Variants in SAG observed in about 807,000 individuals in gnomAD.
The protein encoded by SAG is S-antigen visual arrestin.
In SAG, 45 loss-of-function variants were observed where a neutral mutation model predicts 55.0. The ratio of observed to expected loss-of-function variants is 0.82; its 90% CI spans 0.64 to 1.05. The LOEUF (loss-of-function observed/expected upper bound fraction) is 1.05, where lower values mean the gene tolerates loss of function less well. Among genes scored for constraint, SAG ranks in the 50% least tolerant of loss-of-function variants. The pLI is 0.00. For missense variants in SAG, 455 were observed against 512.1 expected, an observed-to-expected ratio of 0.89 and a Z score of 1.08; for synonymous variants, 189 against 197.4, an observed-to-expected ratio of 0.96 and a Z score of 0.36.
chr2:233,335,655 A>G (rs1700902829), intron 11 of SAG, among the ~76,000 whole-genome samples: 1 of 152,384 alleles, frequency 6.6e-6, no homozygotes, highest in African/African-American at 2.4e-5. Flanking sequence ...TTAGATGTCC[A>G]TTAAATTTAA....
rs1700593903 is a variant in SAG at position 233,327,350 on chromosome 2, CA to C, written c.512+154del. On this transcript the variant is annotated intron_variant, in intron 7 of 15. Transcript: ENST00000409110. ...TGTGGGATGGAGGTCAAAGGTTGATCATTTTTGGGGAAAAAAAAGAAAACAA... is the reference window on the plus strand; with the variant it reads ...TGTGGGATGGAGGTCAAAGGTTGATCTTTTTGGGGAAAAAAAAGAAAACAA... 5 of 544,938 alleles carry C rather than the reference CA, an allele frequency of 9.2e-6. No homozygotes were observed. The East Asian group carries it at 1.2e-4, about 13-fold the overall frequency. The allele number at this position is 544,938 out of a possible 1,614,324, so 33.8% of individuals were successfully genotyped here.
intron 14 of SAG, 95 bp downstream of exon 14, chr2:233,342,421 C>T: frequency 9.9e-7 from 1 of 1,007,952 alleles, no homozygotes; most frequent in Non-Finnish European, 1.5e-6. Context: ...CATCTCAGAG[C>T]ATGGGAGTGG....
Position 233,319,532 on chromosome 2 carries a change from T to C in SAG, c.181+737T>C. 1.0e-6 allele frequency: 1 copy of C among 970,494 alleles called. No individual in the cohort carries two copies. Among genetic ancestry groups the C allele is most frequent in the Non-Finnish European group, 1.2e-6 (1 of 813,776 alleles). The allele number at this position is 970,494 out of a possible 1,614,324, so 60.1% of individuals were successfully genotyped here. A position where few individuals can be genotyped will look rare whatever the true frequency, so the allele number is the denominator to read the frequency against. On this transcript the variant is annotated intron_variant, in intron 4 of 15. Coordinates refer to ENST00000409110, the MANE Select transcript of SAG (RefSeq NM_000541.5). The surrounding 1 kb of genome is among the most constrained non-coding windows in gnomAD (Gnocchi z 4.4). ...TGTTGCTACTGGCAACATCAAGGAA[T>C]TGTTCAGAACCCTGGATGTGCCACT...
intron 14 of SAG, chr2:233,343,555 C>A: frequency 1.9e-6 from 1 of 531,988 alleles, no homozygotes; most frequent in Non-Finnish European, 2.9e-6. Flanking sequence ...ATATAAAAAC[C>A]ACTAGACTGT....
At chr2:233,310,506 C>CTTTTTTTTT (rs967605903) in intron 2 of SAG, among the ~76,000 whole-genome samples, 2 of 115,434 alleles carry the variant, frequency 1.7e-5, no homozygotes, top group African/African-American at 3.8e-5. Flanking sequence ...ATCATTCTGG[C>CTTTTTTTTT]TTTTTTTTTT....
At chr2:233,314,454 A>G (rs1386336715) in intron 2 of SAG, among the ~76,000 whole-genome samples, 1 of 152,162 alleles carries the variant, frequency 6.6e-6, no homozygotes, top group Admixed American at 6.5e-5. Flanking sequence ...CACCTTGCCC[A>G]GAAGCCAGAA....
At chr2:233,309,987 C>G (rs1201508780) in intron 2 of SAG, among the ~76,000 whole-genome samples, 1 of 152,232 alleles carries the variant, frequency 6.6e-6, no homozygotes, top group Non-Finnish European at 1.5e-5. Context: ...AATGTGACTC[C>G]TTCTTCTCCG....
At chr2:233,310,929 T>C (rs1049546050) in intron 2 of SAG, among the ~76,000 whole-genome samples, 1 of 152,162 alleles carries the variant, frequency 6.6e-6, no homozygotes, top group Non-Finnish European at 1.5e-5. Context: ...GTTAAGGAAC[T>C]CGGTCATTTT....
chr2:233,338,420 C>G (rs1701004172), intron 11 of SAG: 9 of 507,598 alleles, frequency 1.8e-5, no homozygotes, highest in Non-Finnish European at 2.5e-5. Context: ...AGGTCAAGCA[C>G]AGAGAAGGGG....
In SAG at chr2:233,340,556, C is replaced by G; in HGVS notation, c.1046+78C>G. On this transcript the variant is annotated intron_variant, in intron 13 of 15. Coordinates refer to ENST00000409110, the MANE Select transcript of SAG (RefSeq NM_000541.5). The surrounding 1 kb of genome is among the most constrained non-coding windows in gnomAD (Gnocchi z 4.2). ...CAAACTTGGGGCTCCAAAACGGTTT[C>G]TGATGAAAGCTGCTTTCTGGACAGT... 1 of 1,092,120 alleles carries G rather than the reference C, an allele frequency of 9.2e-7. No homozygotes were observed. The highest frequency in any genetic ancestry group is 1.4e-6 in the Non-Finnish European group (1 of 723,728). 67.7% of individuals were successfully genotyped at this position (1,092,120 alleles called of 1,614,324 possible). A position where few individuals can be genotyped will look rare whatever the true frequency, so the allele number is the denominator to read the frequency against.
intron 14 of SAG, 126 bp downstream of exon 14, chr2:233,342,452 G>A: frequency 1.3e-6 from 1 of 776,046 alleles, no homozygotes; most frequent in South Asian, 1.5e-5. Flanking sequence ...GAGATTCCAT[G>A]TGATCTACAA....
rs372587258 is a variant in SAG, at chr2:233,335,756, T to C, written c.944+657T>C. Reference sequence around the variant, plus strand: ...TCTAGCGAAGACTATACAGTGAAGTTCCCAAGTCAGCGTCCACTGTCCTTC... The same window carrying C: ...TCTAGCGAAGACTATACAGTGAAGTCCCCAAGTCAGCGTCCACTGTCCTTC... On this transcript the variant is annotated intron_variant, in intron 11 of 15. Coordinates refer to ENST00000409110, the MANE Select transcript of SAG (RefSeq NM_000541.5). 2.6e-5 allele frequency among the ~76,000 whole-genome samples: 4 copies of C among 152,338 alleles called. No homozygotes were observed. In the East Asian group the frequency reaches 7.7e-4, roughly 29 times the overall value.
chr2:233,322,320 G>C (rs1700414259), intron 5 of SAG, among the ~76,000 whole-genome samples: 2 of 152,074 alleles, frequency 1.3e-5, no homozygotes, highest in African/African-American at 4.8e-5. Context: ...AGCCAGCAAA[G>C]GGGACTGGCT....
chr2:233,328,117 T>C (rs1429991250), intron 7 of SAG: 3 of 189,988 alleles, frequency 1.6e-5, no homozygotes, highest in Non-Finnish European at 3.2e-5. Context: ...GCTGCAGTAA[T>C]GGAGCTCGCA....
chr2:233,331,424 T>G, intron 9 of SAG: 1 of 594,604 alleles, frequency 1.7e-6, no homozygotes, highest in Non-Finnish European at 3.0e-6. Flanking sequence ...TGGGTGGGAG[T>G]TGATACAGAG....
intron 14 of SAG, chr2:233,345,208 C>G (rs891590938): frequency 2.0e-5 from 3 of 152,242 alleles, no homozygotes; most frequent in Admixed American, 6.5e-5. Flanking sequence ...GGGGATACAA[C>G]ACATGTGAAA....
At chr2:233,330,720 G>A (rs1211435502) in intron 9 of SAG, among the ~76,000 whole-genome samples, 3 of 152,026 alleles carry the variant, frequency 2.0e-5, no homozygotes, top group Non-Finnish European at 4.4e-5. Flanking sequence ...CAGTAGAGAT[G>A]GGGATTTCGC....
intron 3 of SAG, among the ~76,000 whole-genome samples, chr2:233,316,854 A>G (rs1700227669): frequency 6.6e-6 from 1 of 152,180 alleles, no homozygotes; most frequent in Admixed American, 6.5e-5. Context: ...ACCTACCAAA[A>G]TGGCTAAAAT....
At chr2:233,311,697 G>T (rs538316326) in intron 2 of SAG, among the ~76,000 whole-genome samples, 1 of 152,300 alleles carries the variant, frequency 6.6e-6, no homozygotes, top group South Asian at 2.1e-4. Flanking sequence ...AGTGGAAGGG[G>T]TAGTTTGCTC....
Sources: allele counts gnomAD v4.1 joint callset (sites outside exome capture counted in the v4.1 genomes callset), GRCh38; gene constraint gnomAD v4.1.1; non-coding constraint Gnocchi (gnomAD v3.1); transcripts MANE v1.5; gene names NCBI Gene and HGNC (gene_info 2026-07-23, HGNC 2026-07-21).